Variants in TTBK2 observed in about 807,000 individuals in gnomAD.
TTBK2 encodes the protein tau tubulin kinase 2.
A neutral mutation model predicts 110.8 loss-of-function variants in TTBK2; 28 were observed. The ratio of observed to expected loss-of-function variants is 0.25; its 90% CI spans 0.19 to 0.35. TTBK2 has a LOEUF of 0.35. TTBK2 is among the 10% of genes least tolerant of loss of function. The pLI is 1.00. For missense variants in TTBK2, 1,369 were observed against 1,500.3 expected (o/e 0.91, Z 1.45); for synonymous variants, 532 against 527.3 (o/e 1.01, Z -0.12).
At chr15:42,909,429 T>C (rs984573285) in intron 1 of TTBK2, among the ~76,000 whole-genome samples, 1 of 152,194 alleles carries the variant, frequency 6.6e-6, no homozygotes, top group Non-Finnish European at 1.5e-5. Context: ...ACAAAGTATA[T>C]GCCTCCCTCT....
rs538403649 is a variant in TTBK2 at position 42,821,264 on chromosome 15, AAT to A, written c.538-4169_538-4168del. Among the ~76,000 whole-genome samples, 359 of 152,354 alleles carry A rather than the reference AAT, an allele frequency of 2.4e-3. 2 individuals are homozygous for A. The highest frequency in any genetic ancestry group is 1.2e-3 in the South Asian group (6 of 4,826). On this transcript the variant is annotated intron_variant, in intron 6 of 14. Coordinates refer to ENST00000267890, the MANE Select transcript of TTBK2 (RefSeq NM_173500.4). Reference sequence around the variant, plus strand: ...ATAACAGTACAGCTACCTAAAGGTGAATGTAGGGAGCAGGGGGAAGAATCAGA... The same window carrying A: ...ATAACAGTACAGCTACCTAAAGGTGAGTAGGGAGCAGGGGGAAGAATCAGA...
intron 3 of TTBK2, among the ~76,000 whole-genome samples, chr15:42,853,108 A>G (rs1893785700): frequency 6.6e-6 from 1 of 152,188 alleles, no homozygotes; most frequent in Admixed American, 6.5e-5. Context: ...GTAGCTGGAG[A>G]CTTCAGGGAA....
intron 3 of TTBK2, among the ~76,000 whole-genome samples, chr15:42,858,619 C>T (rs1016073880): frequency 3.3e-5 from 5 of 152,046 alleles, no homozygotes; most frequent in Non-Finnish European, 5.9e-5. Context: ...AGTACAAAGC[C>T]GAACAAGTGA....
At chr15:42,758,730 G>A (rs535088568) in intron 13 of TTBK2, among the ~76,000 whole-genome samples, 68 of 150,594 alleles carry the variant, frequency 4.5e-4, no homozygotes, top group African/African-American at 1.6e-3. Context: ...CGTTACCCAA[G>A]CCCAGATTGG....
rs1889957116 is a variant in TTBK2 at position 42,777,084 on chromosome 15, T to C, written c.1356A>G (p.Glu452=). 6.2e-7 allele frequency: 1 copy of C among 1,614,196 alleles called. No individual in the cohort carries two copies. The highest frequency in any genetic ancestry group is 8.5e-7 in the Non-Finnish European group (1 of 1,180,034). Residue 452 remains glutamate (E), a synonymous_variant, in exon 12 of 15, where the codon GAA becomes GAG. Coordinates refer to ENST00000267890, the MANE Select transcript of TTBK2 (RefSeq NM_173500.4). ...KLRSIHSFEL[E]KRLTLEPKPD... ...GCTTTGGCTCCAGGGTCAGACGTTTTTCCAGCTCAAAGCTGTGAATGGAAC... is the reference window on the plus strand; with the variant it reads ...GCTTTGGCTCCAGGGTCAGACGTTTCTCCAGCTCAAAGCTGTGAATGGAAC...
chr15:42,746,811 C>T (rs182727949), intron 14 of TTBK2, among the ~76,000 whole-genome samples: 1 of 151,948 alleles, frequency 6.6e-6, no homozygotes, highest in East Asian at 1.9e-4. Context: ...GATAAATGTA[C>T]ATTCAACTCA....
At chr15:42,748,216 G>A (rs958168468) in intron 14 of TTBK2, among the ~76,000 whole-genome samples, 9 of 152,104 alleles carry the variant, frequency 5.9e-5, no homozygotes, top group Non-Finnish European at 1.2e-4. Context: ...CAGCACTTTG[G>A]GGGGTTGAGG....
At chr15:42,805,812 T>C (rs1024499156) in intron 9 of TTBK2, among the ~76,000 whole-genome samples, 29 of 152,192 alleles carry the variant, frequency 1.9e-4, no homozygotes, top group Non-Finnish European at 3.1e-4. Flanking sequence ...ATCCACACTA[T>C]ACCCTTTCCT....
At chr15:42,900,443 GCATGGTGGCT>G (rs1433914816) in intron 1 of TTBK2, among the ~76,000 whole-genome samples, 1 of 152,172 alleles carries the variant, frequency 6.6e-6, no homozygotes, top group African/African-American at 2.4e-5. Flanking sequence ...ATAGGGCTGG[GCATGGTGGCT>G]CATGCCTTTA....
chr15:42,843,285 C>T (rs1460647998), intron 3 of TTBK2, among the ~76,000 whole-genome samples: 1 of 152,160 alleles, frequency 6.6e-6, no homozygotes, highest in Non-Finnish European at 1.5e-5. Context: ...CTTCTCAAAA[C>T]AAACCCACTC....
intron 4 of TTBK2, among the ~76,000 whole-genome samples, chr15:42,831,679 T>G (rs1368642994): frequency 6.6e-6 from 1 of 152,162 alleles, no homozygotes; most frequent in Non-Finnish European, 1.5e-5. Context: ...ACAGTCCTCT[T>G]TCACAGAGCT....
rs530374813 is a variant in TTBK2, at chr15:42,827,243, C to T, written c.537+685G>A. On this transcript the variant is annotated intron_variant, in intron 6 of 14. Transcript: ENST00000267890. ...ATGGTTGGCAGGGAGGGAGGAAGAACGGAATAGATTTCACTAAAATGATCC... is the reference window on the plus strand; with the variant it reads ...ATGGTTGGCAGGGAGGGAGGAAGAATGGAATAGATTTCACTAAAATGATCC... 1.6e-3 allele frequency among the ~76,000 whole-genome samples: 245 copies of T among 152,070 alleles called. 2 individuals are homozygous for T. The highest frequency in any genetic ancestry group is 5.5e-3 in the African/African-American group (227 of 41,480).
intron 2 of TTBK2, among the ~76,000 whole-genome samples, chr15:42,873,777 A>G (rs550757526): frequency 9.2e-5 from 14 of 152,116 alleles, no homozygotes; most frequent in Non-Finnish European, 1.3e-4. Flanking sequence ...TTCAAGCTAG[A>G]TACAGCAATT....
At chr15:42,838,378 G>A (rs1023396805) in intron 4 of TTBK2, among the ~76,000 whole-genome samples, 8 of 150,960 alleles carry the variant, frequency 5.3e-5, no homozygotes, top group South Asian at 2.1e-4. Context: ...GTGTGTGTGT[G>A]TATGTGTGTG....
intron 13 of TTBK2, among the ~76,000 whole-genome samples, chr15:42,763,462 C>A (rs1481579289): frequency 1.3e-5 from 2 of 151,244 alleles, no homozygotes; most frequent in African/African-American, 4.9e-5. Context: ...AATCCACCTG[C>A]CTCAGCCTCT....
chr15:42,896,958 A>C (rs1895691165), intron 1 of TTBK2, among the ~76,000 whole-genome samples: 1 of 151,168 alleles, frequency 6.6e-6, no homozygotes, highest in East Asian at 1.9e-4. Flanking sequence ...ATTTTACTGC[A>C]ACCTCCACCT....
chr15:42,789,303 G>GTATATATA (rs3036915), intron 10 of TTBK2, among the ~76,000 whole-genome samples: 17 of 149,736 alleles, frequency 1.1e-4, no homozygotes, highest in African/African-American at 4.2e-4. Context: ...GTGTGTGTGT[G>GTATATATA]TATATATATA....
chr15:42,758,654 C>CAAAAA (rs59064527), intron 13 of TTBK2, among the ~76,000 whole-genome samples: 3 of 66,464 alleles, frequency 4.5e-5, no homozygotes, highest in African/African-American at 9.9e-5. Flanking sequence ...GATTCCATCT[C>CAAAAA]AAAAAAAAAA....
At chr15:42,835,745 A>T (rs1277757702) in intron 4 of TTBK2, among the ~76,000 whole-genome samples, 2 of 152,176 alleles carry the variant, frequency 1.3e-5, no homozygotes, top group East Asian at 3.8e-4. Flanking sequence ...TAAGAAAAAA[A>T]AGAGTTCTTG....
Sources: gnomAD v4.1 joint callset for allele counts (sites outside exome capture counted in the v4.1 genomes callset) on GRCh38, gnomAD v4.1.1 for gene constraint, MANE v1.5 for transcripts, NCBI Gene and HGNC (gene_info 2026-07-23, HGNC 2026-07-21) for gene names.